The following TBC1D19 variants were observed in gnomAD, a reference collection of about 807,000 sequenced individuals.
The protein encoded by TBC1D19 is TBC1 domain family, member 19.
A neutral mutation model predicts 89.0 loss-of-function variants in TBC1D19; 60 were observed. That is an observed-to-expected ratio of 0.67 (90% CI 0.55 to 0.84). The LOEUF (loss-of-function observed/expected upper bound fraction) is 0.84. Ranked by LOEUF, TBC1D19 falls within the 40% of genes least tolerant of loss-of-function variation. TBC1D19 has a pLI of 0.00. For synonymous variants in TBC1D19, 189 were observed against 199.7 expected (o/e 0.95, Z 0.45); for missense variants, 500 against 610.8 (o/e 0.82, Z 1.91).
rs570964614 is a variant in TBC1D19, at chr4:26,634,741, A to G, written c.295-2470A>G. Among the ~76,000 whole-genome samples the G allele has an allele frequency of 7.7e-4, 118 of 152,264 alleles. 1 individual carries two copies. The highest frequency in any genetic ancestry group is 2.8e-3 in the African/African-American group (115 of 41,560). ...AAATAGACTACTAGTATCTACATAT[A>G]TTTTATGCATTCAGAACAAACCCAA... On this transcript the variant is annotated intron_variant, in intron 4 of 20. Transcript: ENST00000264866.
At chr4:26,630,112 T>A (rs957387900) in intron 4 of TBC1D19, among the ~76,000 whole-genome samples, 1 of 151,742 alleles carries the variant, frequency 6.6e-6, no homozygotes, top group Non-Finnish European at 1.5e-5. Flanking sequence ...CCTTCATTGT[T>A]ATTAAAAAGT....
chr4:26,791,032 A>G, the TBC1D19 span, among the ~76,000 whole-genome samples: 4 of 152,116 alleles, frequency 2.6e-5, no homozygotes, highest in Non-Finnish European at 1.5e-5. Flanking sequence ...CTTGACAACT[A>G]CAGTGACCTC....
the TBC1D19 span, among the ~76,000 whole-genome samples, chr4:26,817,570 A>G: frequency 1.3e-5 from 2 of 152,150 alleles, no homozygotes; most frequent in East Asian, 1.9e-4. Flanking sequence ...TAGCTGAGGG[A>G]AAGTGCACAA....
At chr4:26,792,483 A>G in the TBC1D19 span, among the ~76,000 whole-genome samples, 3 of 152,174 alleles carry the variant, frequency 2.0e-5, no homozygotes, top group South Asian at 2.1e-4. Flanking sequence ...TTTGCTATAA[A>G]GGAATCTGAT....
intron 7 of TBC1D19, among the ~76,000 whole-genome samples, chr4:26,650,943 G>A (rs557739882): frequency 9.9e-5 from 15 of 152,284 alleles, no homozygotes; most frequent in African/African-American, 3.4e-4. Context: ...TGGTTAGCCA[G>A]TTTTCCCAGC....
chr4:26,686,433 A>G (rs924784841), intron 12 of TBC1D19, among the ~76,000 whole-genome samples: 2 of 151,850 alleles, frequency 1.3e-5, no homozygotes, highest in Non-Finnish European at 2.9e-5. Context: ...TTTTTTTAAC[A>G]AACTTGCCTT....
intron 13 of TBC1D19, among the ~76,000 whole-genome samples, chr4:26,713,161 T>A (rs1216075621): frequency 6.6e-6 from 1 of 152,002 alleles, no homozygotes; most frequent in Non-Finnish European, 1.5e-5. Flanking sequence ...ATGATTATCT[T>A]AATAGACGCC....
intron 3 of TBC1D19, among the ~76,000 whole-genome samples, chr4:26,615,452 C>CTGCTTTT (rs1411084403): frequency 7.8e-6 from 1 of 127,860 alleles, no homozygotes; most frequent in East Asian, 2.5e-4. Context: ...AATTGCACGT[C>CTGCTTTT]TGCTTTTTTT....
the TBC1D19 span, among the ~76,000 whole-genome samples, chr4:26,825,990 T>A: frequency 2.0e-5 from 3 of 152,106 alleles, no homozygotes; most frequent in African/African-American, 7.2e-5. Context: ...TCATTTGAGG[T>A]CAGGAGTTCA....
intron 4 of TBC1D19, among the ~76,000 whole-genome samples, chr4:26,625,939 T>C (rs1742364475): frequency 6.6e-6 from 1 of 152,108 alleles, no homozygotes; most frequent in Non-Finnish European, 1.5e-5. Context: ...TTTCCCTCTT[T>C]CCATACTGTA....
chr4:26,614,503 C>T, intron 3 of TBC1D19, 50 bp downstream of exon 3: 1 of 1,322,750 alleles, frequency 7.6e-7, no homozygotes, highest in Non-Finnish European at 1.1e-6. Context: ...GCTATATTTA[C>T]TTTGTGAGTA....
rs1314118597 is a variant in TBC1D19 at position 26,755,727 on chromosome 4, G to T, written c.*780G>T. Among the ~76,000 whole-genome samples, 1 of 152,112 alleles carries T rather than the reference G, an allele frequency of 6.6e-6. No homozygotes were observed. Among genetic ancestry groups the T allele is most frequent in the African/African-American group, 2.4e-5 (1 of 41,426 alleles). The stretch of plus-strand genomic sequence containing the variant: ...GTAACTATACAAGGAAGACACCCAA[G>T]AGAATGAGGAGTCAAAACCCCATTC... On this transcript the variant is annotated 3_prime_UTR_variant, in exon 21 of 21. Transcript: ENST00000264866.
chr4:26,799,930 A>G, the TBC1D19 span, among the ~76,000 whole-genome samples: 2 of 134,286 alleles, frequency 1.5e-5, no homozygotes, highest in African/African-American at 5.0e-5. Flanking sequence ...AATAGCTATA[A>G]TATACAGAGA....
intron 9 of TBC1D19, 26 bp from the exon 10 acceptor site, chr4:26,672,122 TA>T: frequency 1.0e-6 from 1 of 974,774 alleles, no homozygotes; most frequent in Non-Finnish European, 1.4e-6. Context: ...TCATGTCTAA[TA>T]ATTTTAATTT....
At chr4:26,842,477 A>G in the TBC1D19 span, among the ~76,000 whole-genome samples, 1 of 149,042 alleles carries the variant, frequency 6.7e-6, no homozygotes, top group African/African-American at 2.5e-5. Context: ...AGCTGGGACT[A>G]TAGGCATGCA....
rs540568010 is a variant in TBC1D19 at position 26,745,002 on chromosome 4, C to T, written c.1319+2403C>T. Among the ~76,000 whole-genome samples, 7 of 152,108 alleles carry T rather than the reference C, an allele frequency of 4.6e-5. No individual in the cohort carries two copies. In the East Asian group the frequency reaches 1.4e-3, roughly 29 times the overall value. On this transcript the variant is annotated intron_variant, in intron 18 of 20. Transcript: ENST00000264866. ...TAATTGTGGATTTTGTCTATGTCTTCCTTTAGTGCTTTGTCTTTTTCTTCA... is the reference window on the plus strand; with the variant it reads ...TAATTGTGGATTTTGTCTATGTCTTTCTTTAGTGCTTTGTCTTTTTCTTCA...
chr4:26,735,682 A>G (rs936112234), intron 16 of TBC1D19, among the ~76,000 whole-genome samples, 195 bp downstream of exon 16: 9 of 152,158 alleles, frequency 5.9e-5, no homozygotes, highest in African/African-American at 2.2e-4. Flanking sequence ...ACATTAGAAA[A>G]TTGAACAAAA....
the TBC1D19 span, among the ~76,000 whole-genome samples, chr4:26,830,971 A>G: frequency 6.6e-6 from 1 of 152,182 alleles, no homozygotes. Flanking sequence ...CAGATACCCA[A>G]AAGGGTCTAT....
the TBC1D19 span, among the ~76,000 whole-genome samples, chr4:26,853,976 ACTCT>A: frequency 6.6e-6 from 1 of 152,078 alleles, no homozygotes; most frequent in African/African-American, 2.4e-5. Context: ...TTGTCCTCAA[ACTCT>A]CTTTTACTTA....
Sources: allele counts gnomAD v4.1 joint callset (sites outside exome capture counted in the v4.1 genomes callset), GRCh38; gene constraint gnomAD v4.1.1; transcripts MANE v1.5; gene names NCBI Gene and HGNC (gene_info 2026-07-23, HGNC 2026-07-21).